Variants in PIEZO2 observed in about 807,000 individuals in gnomAD.
PIEZO2 encodes piezo-type mechanosensitive ion channel component 2.
A neutral mutation model predicts 337.3 loss-of-function variants in PIEZO2; 172 were observed. That is an observed-to-expected ratio of 0.51 (90% CI 0.45 to 0.58). PIEZO2 has a LOEUF of 0.58. Among genes scored for constraint, PIEZO2 ranks in the 20% least tolerant of loss-of-function variants. The pLI is 0.00. For synonymous variants in PIEZO2, 1,251 were observed against 1,228.5 expected, an observed-to-expected ratio of 1.02 and a Z score of -0.38; for missense variants, 3,028 against 3,391.3, an observed-to-expected ratio of 0.89 and a Z score of 2.66.
intron 2 of PIEZO2, among the ~76,000 whole-genome samples, chr18:10,992,756 T>C (rs2145563908): frequency 6.6e-6 from 1 of 152,338 alleles, no homozygotes; most frequent in South Asian, 2.1e-4. Context: ...TTTTTTCCAA[T>C]TCTGTGAAGA....
At chr18:10,802,186 A>T (rs2039848244) in intron 9 of PIEZO2, among the ~76,000 whole-genome samples, 1 of 152,020 alleles carries the variant, frequency 6.6e-6, no homozygotes, top group South Asian at 2.1e-4. Context: ...CAACAAAATG[A>T]TTATTATATG....
In PIEZO2 at chr18:10,855,895, T is replaced by C. The variant is rs2041690422; in HGVS notation, c.704-329A>G. Among the ~76,000 whole-genome samples, 1 of 152,200 alleles carries C rather than the reference T, an allele frequency of 6.6e-6. No homozygotes were observed. Among genetic ancestry groups the C allele is most frequent in the African/African-American group, 2.4e-5 (1 of 41,448 alleles). On this transcript the variant is annotated intron_variant, in intron 6 of 55. Coordinates refer to ENST00000674853, the MANE Select transcript of PIEZO2 (RefSeq NM_001378183.1). This position sits in a 1 kb window ranked among gnomAD's most constrained non-coding sequence, Gnocchi z 4.9. ...TACTTGCCTGTTTCCATCTTTCTAC[T>C]TCTCCCAAATTTTCAAGAATTCATG...
At chr18:10,763,237 T>C (rs1199005807) in intron 21 of PIEZO2, 139 bp from the exon 22 acceptor site, 3 of 887,678 alleles carry the variant, frequency 3.4e-6, no homozygotes, top group African/African-American at 1.7e-5. Context: ...GGAATTGCCC[T>C]AGGTGCTGGG....
chr18:10,715,989 C>A (rs528682029), intron 37 of PIEZO2, among the ~76,000 whole-genome samples, 173 bp from the exon 38 acceptor site: 1 of 152,300 alleles, frequency 6.6e-6, no homozygotes, highest in South Asian at 2.1e-4. Context: ...ATGCAGGAAG[C>A]TTTTGTGGGG....
intron 47 of PIEZO2, among the ~76,000 whole-genome samples, chr18:10,693,830 T>A (rs2034968347): frequency 6.6e-6 from 1 of 152,142 alleles, no homozygotes; most frequent in African/African-American, 2.4e-5. Context: ...TTTTAAGGTG[T>A]CTTTCTTCTC....
chr18:10,995,088 A>AAAAAAAAG, intron 2 of PIEZO2, among the ~76,000 whole-genome samples: 1 of 151,478 alleles, frequency 6.6e-6, no homozygotes, highest in African/African-American at 2.4e-5. Context: ...AAAAAAAAAA[A>AAAAAAAAG]AAAAAAAAGA....
In PIEZO2 at chr18:10,680,237, A is replaced by T; in HGVS notation, c.7914T>A (p.Asn2638Lys). ...QKMIHELLDP[N>K]SSFSVVFSWS... Reference sequence around the variant, plus strand: ...ATGAAAAAACAACAGAGAAGCTACTATTGGGGTCCAGGAGTTCGTGTATCA... The same window carrying T: ...ATGAAAAAACAACAGAGAAGCTACTTTTGGGGTCCAGGAGTTCGTGTATCA... Residue 2638 changes from asparagine to lysine, a missense_variant, in exon 52 of 56, where the codon AAT becomes AAA. Asn to Lys is a moderately conservative substitution (Grantham distance 94). Around this residue, in one of 5 missense-constraint regions of PIEZO2, gnomAD observed 332 missense variants for 363.8 expected, o/e 0.91. Transcript: ENST00000674853. 6.2e-7 allele frequency: 1 copy of T among 1,613,872 alleles called. No homozygotes were observed. The highest frequency in any genetic ancestry group is 8.5e-7 in the Non-Finnish European group (1 of 1,179,810).
intron 4 of PIEZO2, among the ~76,000 whole-genome samples, chr18:10,891,259 G>A (rs264224): frequency 0.62 from 94,810 of 151,900 alleles, 29,755 homozygotes; most frequent in East Asian, 0.78. Flanking sequence ...GGGAGGCAGA[G>A]GTTGCAGTGA....
intron 2 of PIEZO2, among the ~76,000 whole-genome samples, chr18:11,039,663 T>C (rs2037044813): frequency 2.0e-5 from 3 of 152,124 alleles, no homozygotes; most frequent in Admixed American, 1.3e-4. Context: ...TTATCCTATA[T>C]CTTTATTGGT....
intron 2 of PIEZO2, among the ~76,000 whole-genome samples, chr18:10,983,600 A>G (rs757523776): frequency 6.6e-6 from 1 of 152,122 alleles, no homozygotes; most frequent in Non-Finnish European, 1.5e-5. Context: ...AATTCTCTAC[A>G]GCCAGTCACA....
At chr18:10,879,240 T>C (rs1260974002) in intron 4 of PIEZO2, among the ~76,000 whole-genome samples, 1 of 152,118 alleles carries the variant, frequency 6.6e-6, no homozygotes, top group African/African-American at 2.4e-5. Context: ...TTTTAATAAA[T>C]CAGTGAGACC....
At position 10,724,844 on chromosome 18, in the gene PIEZO2, A is replaced by T; in HGVS notation, c.5029+6563T>A. On this transcript the variant is annotated intron_variant, in intron 36 of 55. Transcript: ENST00000674853. The surrounding 1 kb of genome is among the most constrained non-coding windows in gnomAD (Gnocchi z 5.8). ...CAGATGCACCTGGGCCACGGCGGCC[A>T]CATGCGTCGCAGTGAGAGCACCTAC... The T allele has an allele frequency of 6.2e-7, 1 of 1,602,650 alleles. No individual in the cohort carries two copies. Among genetic ancestry groups the T allele is most frequent in the Non-Finnish European group, 8.5e-7 (1 of 1,174,122 alleles).
At chr18:10,875,021 C>T (rs1163180787) in intron 4 of PIEZO2, among the ~76,000 whole-genome samples, 3 of 152,096 alleles carry the variant, frequency 2.0e-5, no homozygotes. Context: ...ACCCCAATTA[C>T]CCTGATTTGA....
rs1486257591 is a variant in PIEZO2, at chr18:11,003,518, T to C, written c.161-23858A>G. On this transcript the variant is annotated intron_variant, in intron 2 of 55. Coordinates refer to ENST00000674853, the MANE Select transcript of PIEZO2 (RefSeq NM_001378183.1). The surrounding 1 kb of genome is among the most constrained non-coding windows in gnomAD (Gnocchi z 4.6). ...GAAATAAATGTGAACTACACATACA[T>C]TTAAGAAAGATTAATAAAAGCAAGT... Among the ~76,000 whole-genome samples the C allele has an allele frequency of 2.0e-5, 3 of 152,200 alleles. No individual in the cohort carries two copies. The highest frequency in any genetic ancestry group is 7.2e-5 in the African/African-American group (3 of 41,450).
chr18:10,752,798 G>A lies in PIEZO2; in HGVS notation c.4005C>T (p.Thr1335=). 6.5e-7 allele frequency: 1 copy of A among 1,537,172 alleles called. No individual in the cohort carries two copies. Residue 1335 remains threonine, a synonymous_variant, in exon 28 of 56, where the codon ACC becomes ACT. Coordinates refer to ENST00000674853, the MANE Select transcript of PIEZO2 (RefSeq NM_001378183.1). ...CCATGCAAAAGATGCTGATCCTGGT[G>A]GTCCCAGTGATGAAGATGATGGTGA... ...FVLTIIFITG[T]TRISIFCMGY...
At position 10,942,160 on chromosome 18, in the gene PIEZO2, A is replaced by T. The variant is rs1026263302; in HGVS notation, c.287-30932T>A. Among the ~76,000 whole-genome samples, 2 of 152,206 alleles carry T rather than the reference A, an allele frequency of 1.3e-5. No homozygotes were observed. Among genetic ancestry groups the T allele is most frequent in the Non-Finnish European group, 2.9e-5 (2 of 68,038 alleles). On this transcript the variant is annotated intron_variant, in intron 3 of 55. Transcript: ENST00000674853. The surrounding 1 kb of genome is among the most constrained non-coding windows in gnomAD (Gnocchi z 4.4). ...TAGTCTCTGGAATGTCTTTCTCAGCAGCATGAAAATGAACTAATTCAGTAA... is the reference window on the plus strand; with the variant it reads ...TAGTCTCTGGAATGTCTTTCTCAGCTGCATGAAAATGAACTAATTCAGTAA...
intron 10 of PIEZO2, among the ~76,000 whole-genome samples, chr18:10,800,981 T>C (rs2144270844): frequency 6.6e-6 from 1 of 152,374 alleles, no homozygotes; most frequent in South Asian, 2.1e-4. Context: ...TGGGGATCTC[T>C]GCCTGACTGC....
At chr18:10,970,762 A>C (rs190726570) in intron 3 of PIEZO2, among the ~76,000 whole-genome samples, 155 of 152,124 alleles carry the variant, frequency 1.0e-3, no homozygotes, top group African/African-American at 3.3e-3. Flanking sequence ...GGCTTGTTAG[A>C]GTACTTGATC....
At chr18:11,013,585 C>A (rs2035980470) in intron 2 of PIEZO2, among the ~76,000 whole-genome samples, 1 of 152,226 alleles carries the variant, frequency 6.6e-6, no homozygotes, top group South Asian at 2.1e-4. Context: ...ACCAGAAACA[C>A]ATAAATTTTT....
Sources: allele counts gnomAD v4.1 joint callset (sites outside exome capture counted in the v4.1 genomes callset), GRCh38; gene constraint gnomAD v4.1.1; regional missense constraint gnomAD v4.1.1; non-coding constraint Gnocchi (gnomAD v3.1); transcripts MANE v1.5; gene names NCBI Gene and HGNC (gene_info 2026-07-23, HGNC 2026-07-21).